The following PDE8B variants were observed in gnomAD, a reference collection of about 807,000 sequenced individuals.
PDE8B encodes high affinity cAMP-specific and IBMX-insensitive 3',5'-cyclic phosphodiesterase 8B.
PDE8B carries 26 observed loss-of-function variants against 101.3 expected under a neutral mutation model. The ratio of observed to expected loss-of-function variants is 0.26; its 90% CI spans 0.19 to 0.36. The LOEUF is 0.36. Ranked by LOEUF, PDE8B falls within the 10% of genes least tolerant of loss-of-function variation. The pLI is 1.00. For synonymous variants in PDE8B, 424 were observed against 429.3 expected, an observed-to-expected ratio of 0.99 and a Z score of 0.15; for missense variants, 810 against 1,163.1, an observed-to-expected ratio of 0.70 and a Z score of 4.42.
At chr5:77,164,452 C>G in the PDE8B span, among the ~76,000 whole-genome samples, 2 of 152,158 alleles carry the variant, frequency 1.3e-5, no homozygotes, top group African/African-American at 4.8e-5. Flanking sequence ...AAAGAAAAGC[C>G]AAGTGTTTTC....
chr5:77,418,518 C>T, intron 18 of PDE8B, 72 bp downstream of exon 18: 4 of 1,047,250 alleles, frequency 3.8e-6, no homozygotes, highest in Non-Finnish European at 5.8e-6. Context: ...TTAGCTTCCT[C>T]TTAGGGGAAA....
At chr5:77,171,004 C>T in the PDE8B span, among the ~76,000 whole-genome samples, 3 of 152,088 alleles carry the variant, frequency 2.0e-5, no homozygotes, top group Non-Finnish European at 2.9e-5. Flanking sequence ...GAGAAAAATA[C>T]CTGAACACAA....
chr5:77,373,287 T>C (rs1785398142), intron 10 of PDE8B, among the ~76,000 whole-genome samples: 1 of 152,066 alleles, frequency 6.6e-6, no homozygotes. Flanking sequence ...TCTAGCTTCT[T>C]AGGTAGAACC....
the PDE8B span, among the ~76,000 whole-genome samples, chr5:77,153,383 C>T: frequency 7.2e-5 from 11 of 152,146 alleles, no homozygotes; most frequent in Non-Finnish European, 1.2e-4. Context: ...CCTATTTGTG[C>T]AATGAATGAA....
chr5:77,182,243 G>T, the PDE8B span, among the ~76,000 whole-genome samples: 1 of 151,738 alleles, frequency 6.6e-6, no homozygotes. Context: ...GCTACAGATT[G>T]TACTTGGTTC....
chr5:77,418,539 TA>T (rs1796017157), intron 18 of PDE8B, 93 bp downstream of exon 18: 1 of 859,102 alleles, frequency 1.2e-6, no homozygotes, highest in Non-Finnish European at 1.9e-6. Flanking sequence ...GGGAAAATAT[TA>T]GCTGTCCCAC....
intron 7 of PDE8B, among the ~76,000 whole-genome samples, chr5:77,346,842 T>C (rs915400439): frequency 6.6e-6 from 1 of 152,234 alleles, no homozygotes; most frequent in Non-Finnish European, 1.5e-5. Context: ...GAGGATGTTA[T>C]ATGTATGGTG....
In PDE8B at chr5:77,278,562, C is replaced by T. The variant is rs548912455; in HGVS notation, c.340-33432C>T. On this transcript the variant is annotated intron_variant, in intron 1 of 21. Coordinates refer to ENST00000264917, the MANE Select transcript of PDE8B (RefSeq NM_003719.5). The stretch of plus-strand genomic sequence containing the variant: ...TTGTCTCATTGCAAGCTCTGCCTCC[C>T]GGGTTCATGCCATTCTCCTGTCTCA... 2.6e-4 allele frequency among the ~76,000 whole-genome samples: 39 copies of T among 152,228 alleles called. No homozygotes were observed. The South Asian group carries it at 3.5e-3, about 14-fold the overall frequency.
chr5:77,130,844 A>G, the PDE8B span, among the ~76,000 whole-genome samples: 1 of 152,218 alleles, frequency 6.6e-6, no homozygotes, highest in Non-Finnish European at 1.5e-5. Context: ...AATTGTAGAA[A>G]AGAGATTATG....
chr5:77,425,686 AG>A, intron 20 of PDE8B, 80 bp from the exon 21 acceptor site: 1 of 1,421,658 alleles, frequency 7.0e-7, no homozygotes, highest in East Asian at 2.3e-5. Flanking sequence ...CCATTTTCAC[AG>A]GGTTGTTCTG....
At chr5:77,348,554 T>C (rs913729809) in intron 7 of PDE8B, among the ~76,000 whole-genome samples, 4 of 152,240 alleles carry the variant, frequency 2.6e-5, no homozygotes, top group African/African-American at 9.6e-5. Context: ...CTGATTCTAC[T>C]GGTAGTGTCC....
Position 77,426,683 on chromosome 5 carries a change from C to T in PDE8B, c.*129C>T, listed in dbSNP as rs1798205659. 1 of 695,166 alleles carries T rather than the reference C, an allele frequency of 1.4e-6. No homozygotes were observed. The highest frequency in any genetic ancestry group is 2.6e-6 in the Non-Finnish European group (1 of 377,582). The allele number at this position is 695,166 out of a possible 1,614,324, so 43.1% of individuals were successfully genotyped here. A position where few individuals can be genotyped will look rare whatever the true frequency, so the allele number is the denominator to read the frequency against. On this transcript the variant is annotated 3_prime_UTR_variant, in exon 22 of 22. Transcript: ENST00000264917. ...AAGGAGCTAATGTTTAATATTTGACCTTGAATCATTCAAGTCCCCAAATTT... is the reference window on the plus strand; with the variant it reads ...AAGGAGCTAATGTTTAATATTTGACTTTGAATCATTCAAGTCCCCAAATTT...
At chr5:77,125,107 C>A in the PDE8B span, among the ~76,000 whole-genome samples, 1 of 152,166 alleles carries the variant, frequency 6.6e-6, no homozygotes, top group South Asian at 2.1e-4. Flanking sequence ...ATTCTTCCAC[C>A]TCAGCCTCTG....
intron 1 of PDE8B, among the ~76,000 whole-genome samples, chr5:77,310,099 G>A (rs1772254088): frequency 6.6e-6 from 1 of 151,326 alleles, no homozygotes; most frequent in African/African-American, 2.4e-5. Context: ...ACAGGCGCCC[G>A]CCACCATGCC....
intron 7 of PDE8B, among the ~76,000 whole-genome samples, chr5:77,345,528 C>T (rs145936177): frequency 4.5e-4 from 69 of 152,320 alleles, no homozygotes; most frequent in African/African-American, 1.6e-3. Context: ...CAGAATGGTA[C>T]AGCAAATGCT....
intron 10 of PDE8B, among the ~76,000 whole-genome samples, chr5:77,375,835 TG>T (rs1469266805): frequency 6.6e-6 from 1 of 152,084 alleles, no homozygotes; most frequent in Admixed American, 6.6e-5. Context: ...TCATCCATTT[TG>T]TTGCCCCTTT....
Position 77,211,186 on chromosome 5 carries a change from G to C in PDE8B, c.261G>C (p.Ala87=). The change falls in exon 1 of 22, where the codon GCG becomes GCC. Residue 87 remains alanine, a synonymous_variant. Coordinates refer to ENST00000264917, the MANE Select transcript of PDE8B (RefSeq NM_003719.5). The surrounding 1 kb of genome is among the most constrained non-coding windows in gnomAD (Gnocchi z 4.1). The part of the protein sequence containing the change: ...GSSAGSAAPA[A]TTSRGRRRHC... ...GCGCGGGTTCCGCAGCCCCCGCCGC[G>C]ACCACCAGCAGGGGCCGGAGGCGCC... The C allele has an allele frequency of 6.4e-7, 1 of 1,550,950 alleles. No homozygotes were observed. The highest frequency in any genetic ancestry group is 8.6e-7 in the Non-Finnish European group (1 of 1,156,220).
At chr5:77,380,675 G>A (rs921835546) in intron 10 of PDE8B, among the ~76,000 whole-genome samples, 3 of 152,210 alleles carry the variant, frequency 2.0e-5, no homozygotes, top group African/African-American at 7.2e-5. Flanking sequence ...GCCAGGTACT[G>A]TGTTAGCACT....
intron 10 of PDE8B, among the ~76,000 whole-genome samples, chr5:77,383,654 T>C (rs1226511669): frequency 6.6e-6 from 1 of 151,610 alleles, no homozygotes; most frequent in Non-Finnish European, 1.5e-5. Flanking sequence ...AGTTAATTTT[T>C]GTATAAAGTG....
Sources: gnomAD v4.1 joint callset for allele counts (sites outside exome capture counted in the v4.1 genomes callset) on GRCh38, gnomAD v4.1.1 for gene constraint, Gnocchi (gnomAD v3.1) non-coding constraint, MANE v1.5 for transcripts, NCBI Gene and HGNC (gene_info 2026-07-23, HGNC 2026-07-21) for gene names.